The following USPL1 variants were observed in gnomAD, a reference collection of about 807,000 sequenced individuals.
The protein encoded by USPL1 is SUMO-specific isopeptidase USPL1.
USPL1 carries 27 observed loss-of-function variants against 51.5 expected under a neutral mutation model. That is an observed-to-expected ratio of 0.52 (90% confidence interval 0.39 to 0.72). The LOEUF is 0.72. Among genes scored for constraint, USPL1 ranks in the 30% least tolerant of loss-of-function variants. The pLI, the probability that USPL1 is intolerant of heterozygous loss-of-function variation, is 0.00. For missense variants in USPL1, 1,226 were observed against 1,268.0 expected (o/e 0.97, Z 0.50); for synonymous variants, 451 against 459.6 (o/e 0.98, Z 0.24).
At chr13:30,634,014 G>T (rs1404710815) in intron 4 of USPL1, among the ~76,000 whole-genome samples, 1 of 152,094 alleles carries the variant, frequency 6.6e-6, no homozygotes, top group Non-Finnish European at 1.5e-5. Flanking sequence ...TTTGTTCTTA[G>T]ATCTCAGCAA....
intron 7 of USPL1, among the ~76,000 whole-genome samples, chr13:30,649,871 C>A (rs1036609292): frequency 6.6e-6 from 1 of 152,184 alleles, no homozygotes; most frequent in African/African-American, 2.4e-5. Flanking sequence ...AGCCTGATGT[C>A]TCTTGTTCTC....
intron 3 of USPL1, among the ~76,000 whole-genome samples, chr13:30,626,302 G>A (rs962296622): frequency 2.9e-4 from 42 of 144,186 alleles, no homozygotes; most frequent in Non-Finnish European, 7.6e-5. Flanking sequence ...CGACAGAGGA[G>A]ACTCTATCTC....
chr13:30,621,716 T>C, intron 2 of USPL1, 48 bp from the exon 3 acceptor site: 1 of 1,316,072 alleles, frequency 7.6e-7, no homozygotes, highest in East Asian at 2.8e-5. Context: ...AATATTTTGA[T>C]ATATTCTAGG....
At chr13:30,640,397 A>G (rs1230218828) in intron 5 of USPL1, among the ~76,000 whole-genome samples, 3 of 152,172 alleles carry the variant, frequency 2.0e-5, no homozygotes, top group Admixed American at 6.5e-5. Flanking sequence ...ACTTTTTAAA[A>G]CTTATTTTAT....
At chr13:30,645,403 C>T (rs552328912) in intron 6 of USPL1, among the ~76,000 whole-genome samples, 3 of 152,260 alleles carry the variant, frequency 2.0e-5, no homozygotes, top group Admixed American at 6.5e-5. Flanking sequence ...GGCTGCTTAA[C>T]GTTAGCTTTG....
At chr13:30,638,705 A>C (rs1025808689) in intron 5 of USPL1, among the ~76,000 whole-genome samples, 22 of 151,716 alleles carry the variant, frequency 1.5e-4, no homozygotes, top group African/African-American at 5.1e-4. Context: ...TATTAGTAAT[A>C]ACCCATATTA....
rs1484241089 is a variant in USPL1 at position 30,631,404 on chromosome 13, C to T, written c.798C>T (p.Phe266=). Residue 266 remains phenylalanine, a synonymous_variant, in exon 4 of 9, where the codon TTC becomes TTT. Coordinates refer to ENST00000255304, the MANE Select transcript of USPL1 (RefSeq NM_005800.5). ...TGTGCTCGAAGGAGGAATCTATATTCTGGCGGTTGCTTACAAAATATAATC... is the reference window on the plus strand; with the variant it reads ...TGTGCTCGAAGGAGGAATCTATATTTTGGCGGTTGCTTACAAAATATAATC... ...TGLCSKEESI[F]WRLLTKYNQA... 2.5e-6 allele frequency: 4 copies of T among 1,614,094 alleles called. No individual in the cohort carries two copies. Among genetic ancestry groups the T allele is most frequent in the South Asian group, 1.1e-5 (1 of 91,086 alleles).
At chr13:30,621,273 T>G (rs773137273) in intron 2 of USPL1, 34 bp downstream of exon 2, 3 of 1,116,008 alleles carry the variant, frequency 2.7e-6, no homozygotes, top group Admixed American at 2.9e-5. Context: ...GAGTGCAAAG[T>G]TTTTTTTTTT....
intron 7 of USPL1, among the ~76,000 whole-genome samples, chr13:30,648,379 CTT>C (rs1251917294): frequency 1.3e-5 from 2 of 152,112 alleles, no homozygotes; most frequent in Non-Finnish European, 2.9e-5. Flanking sequence ...ACCTTTCACT[CTT>C]TGCTGCAGTC....
chr13:30,655,137 A>G (rs1193483337), intron 8 of USPL1, among the ~76,000 whole-genome samples: 1 of 152,138 alleles, frequency 6.6e-6, no homozygotes. Context: ...GGGTTTCTCC[A>G]TGTTGGTCAG....
chr13:30,633,995 G>T (rs1950841924), intron 4 of USPL1, among the ~76,000 whole-genome samples: 1 of 152,070 alleles, frequency 6.6e-6, no homozygotes, highest in South Asian at 2.1e-4. Context: ...CAGTTTCATG[G>T]ATAAGAGATT....
intron 1 of USPL1, among the ~76,000 whole-genome samples, chr13:30,620,313 C>G (rs1021186078): frequency 1.3e-5 from 2 of 152,158 alleles, no homozygotes; most frequent in Non-Finnish European, 2.9e-5. Context: ...CCCTAAAGGT[C>G]TCCTGTATTT....
At position 30,657,542 on chromosome 13, in the gene USPL1, G is replaced by A. The variant is rs1371061205; in HGVS notation, c.1465G>A (p.Ala489Thr). The change falls in exon 9 of 9, where the codon GCT (alanine) becomes ACT (threonine). Residue 489 changes from alanine (A) to threonine (T), a missense_variant. By Grantham distance (58) the Ala-to-Thr change is moderately conservative. Transcript: ENST00000255304. ...SERHKKFEVP[A>T]SEIHIVIWER... ...AAGGCACAAGAAATTTGAAGTTCCT[G>A]CTTCAGAGATACATATTGTTATTTG... 4 of 1,613,482 alleles carry A rather than the reference G, an allele frequency of 2.5e-6. No individual in the cohort carries two copies. Among genetic ancestry groups the A allele is most frequent in the Non-Finnish European group, 3.4e-6 (4 of 1,179,900 alleles).
At chr13:30,641,521 C>T (rs898314456) in intron 5 of USPL1, among the ~76,000 whole-genome samples, 3 of 152,212 alleles carry the variant, frequency 2.0e-5, no homozygotes, top group Admixed American at 6.5e-5. Context: ...TGGGCCAAAT[C>T]GGTAAGGCAG....
intron 6 of USPL1, among the ~76,000 whole-genome samples, chr13:30,643,281 T>G (rs1950972793): frequency 6.6e-6 from 1 of 152,240 alleles, no homozygotes; most frequent in Admixed American, 6.5e-5. Flanking sequence ...GATGTACCTG[T>G]TACCTTCAGG....
At position 30,659,238 on chromosome 13, in the gene USPL1, A is replaced by G; in HGVS notation, c.3161A>G (p.Glu1054Gly). The change falls in exon 9 of 9, where the codon GAG becomes GGG. Residue 1054 changes from glutamate (E) to glycine (G), a missense_variant. By Grantham distance (98) the Glu-to-Gly change is moderately conservative. Coordinates refer to ENST00000255304, the MANE Select transcript of USPL1 (RefSeq NM_005800.5). The stretch of plus-strand genomic sequence containing the variant: ...GCCTGCGTTAGAACATTAAACTTGG[A>G]GAGTCCGATGAAGACTGATATTTTC... ...NNACVRTLNLESPMKTDIFDE... is the reference protein window; with the variant it reads ...NNACVRTLNLGSPMKTDIFDE... 1 of 1,614,172 alleles carries G rather than the reference A, an allele frequency of 6.2e-7. No individual in the cohort carries two copies. The highest frequency in any genetic ancestry group is 8.5e-7 in the Non-Finnish European group (1 of 1,180,036).
At chr13:30,620,157 G>C (rs1201450616) in intron 1 of USPL1, among the ~76,000 whole-genome samples, 2 of 152,208 alleles carry the variant, frequency 1.3e-5, no homozygotes, top group Non-Finnish European at 2.9e-5. Flanking sequence ...AGCCGAACCA[G>C]AATAGCGTAA....
chr13:30,657,358 A>G, intron 8 of USPL1, 116 bp from the exon 9 acceptor site: 2 of 1,029,860 alleles, frequency 1.9e-6, no homozygotes, highest in Non-Finnish European at 2.8e-6. Context: ...AACATGTTTT[A>G]GAGTCTTCTC....
At chr13:30,619,369 C>A (rs1490239115) in intron 1 of USPL1, among the ~76,000 whole-genome samples, 3 of 152,070 alleles carry the variant, frequency 2.0e-5, no homozygotes, top group Admixed American at 6.5e-5. Flanking sequence ...GTTTTTCCCG[C>A]TGAAATGTTG....
Sources: allele counts gnomAD v4.1 joint callset (sites outside exome capture counted in the v4.1 genomes callset), GRCh38; gene constraint gnomAD v4.1.1; transcripts MANE v1.5; gene names NCBI Gene and HGNC (gene_info 2026-07-23, HGNC 2026-07-21).